Variants in ULK4 observed in about 807,000 individuals in gnomAD.
ULK4 encodes inactive serine/threonine-protein kinase ULK4.
ULK4 carries 133 observed loss-of-function variants against 160.6 expected under a neutral mutation model. That is an observed-to-expected ratio of 0.83 (90% confidence interval 0.72 to 0.96). ULK4 has a LOEUF of 0.96. Among genes scored for constraint, ULK4 ranks in the 40% least tolerant of loss-of-function variants. ULK4 has a pLI of 0.00. For synonymous variants in ULK4, 534 were observed against 539.8 expected (o/e 0.99, Z 0.15); for missense variants, 1,580 against 1,499.5 (o/e 1.05, Z -0.89).
intron 21 of ULK4, among the ~76,000 whole-genome samples, chr3:41,773,701 C>T (rs954980192): frequency 5.3e-5 from 8 of 152,128 alleles, no homozygotes; most frequent in African/African-American, 1.9e-4. Context: ...TGACTTTCTT[C>T]ACAGAATTGG....
rs558042759 is a variant in ULK4 at position 41,262,503 on chromosome 3, A to G, written c.3679-12929T>C. ...GACTTTCTTCTTTCTCTTGACCTTT[A>G]TTTCCTCCTCCTGGGGTCTGTATGT... On this transcript the variant is annotated intron_variant, in intron 35 of 36. Transcript: ENST00000301831. Among the ~76,000 whole-genome samples, 4 of 152,080 alleles carry G rather than the reference A, an allele frequency of 2.6e-5. No homozygotes were observed. In the East Asian group the frequency reaches 7.7e-4, roughly 29 times the overall value.
chr3:41,790,105 T>C (rs549368137), intron 20 of ULK4, among the ~76,000 whole-genome samples: 1 of 152,328 alleles, frequency 6.6e-6, no homozygotes, highest in Non-Finnish European at 1.5e-5. Context: ...TAAGCCTATA[T>C]AGAAAAATGT....
intron 32 of ULK4, among the ~76,000 whole-genome samples, chr3:41,498,895 G>C (rs539003206): frequency 6.6e-6 from 1 of 152,156 alleles, no homozygotes; most frequent in African/African-American, 2.4e-5. Flanking sequence ...GTCTGGCCGA[G>C]AGTTTCTTCT....
At chr3:41,333,573 CCT>C (rs2080491453) in intron 35 of ULK4, among the ~76,000 whole-genome samples, 1 of 152,130 alleles carries the variant, frequency 6.6e-6, no homozygotes. Flanking sequence ...GCACATCTTA[CCT>C]AAGGGTAAGC....
intron 34 of ULK4, among the ~76,000 whole-genome samples, chr3:41,413,392 G>C (rs760275703): frequency 6.6e-6 from 1 of 152,144 alleles, no homozygotes; most frequent in South Asian, 2.1e-4. Flanking sequence ...TTTTACCTTG[G>C]ATTGGGGAAA....
chr3:41,775,707 C>T (rs2039586667), intron 21 of ULK4, among the ~76,000 whole-genome samples: 1 of 150,754 alleles, frequency 6.6e-6, no homozygotes, highest in South Asian at 2.1e-4. Context: ...CCGACAACTC[C>T]TCTTTTTTTA....
chr3:41,559,717 G>A lies in ULK4; in HGVS notation c.3226+6308C>T, dbSNP rs1196402898. On this transcript the variant is annotated intron_variant, in intron 32 of 36. Transcript: ENST00000301831. ...TCATATCCTTTGACCAGTTTTTGAT[G>A]GAGTTGTTTATTTTCTTGTAAATTT... Among the ~76,000 whole-genome samples the A allele has an allele frequency of 3.9e-5, 6 of 152,188 alleles. No individual in the cohort carries two copies. In the East Asian group the frequency reaches 1.2e-3, roughly 29 times the overall value.
intron 9 of ULK4, among the ~76,000 whole-genome samples, chr3:41,912,056 G>A (rs1340807998): frequency 6.6e-6 from 1 of 151,886 alleles, no homozygotes; most frequent in African/African-American, 2.4e-5. Context: ...GACCAGGCAT[G>A]GTGGCTCACG....
intron 34 of ULK4, among the ~76,000 whole-genome samples, chr3:41,405,635 G>GT (rs368587235): frequency 2.8e-4 from 42 of 152,224 alleles, no homozygotes; most frequent in Middle Eastern, 3.4e-3. Context: ...ACCAGCGTCT[G>GT]TTTTTTGACA....
At chr3:41,831,531 A>ATATATATATATATATATATTTT in intron 18 of ULK4, among the ~76,000 whole-genome samples, 5 of 138,056 alleles carry the variant, frequency 3.6e-5, no homozygotes, top group East Asian at 2.1e-4. Context: ...ATATATATAT[A>ATATATATATATATATATATTTT]TTTTTTTTTC....
chr3:41,791,183 A>G (rs1178796620), intron 20 of ULK4, among the ~76,000 whole-genome samples: 2 of 152,204 alleles, frequency 1.3e-5, no homozygotes, highest in African/African-American at 4.8e-5. Flanking sequence ...TTCAGTAGAG[A>G]CGGGGTTTCA....
intron 27 of ULK4, among the ~76,000 whole-genome samples, chr3:41,696,131 G>A (rs1559491414): frequency 6.6e-6 from 1 of 152,154 alleles, no homozygotes; most frequent in Admixed American, 6.6e-5. Flanking sequence ...GGGGAGTTTA[G>A]AAAAGACTCT....
intron 32 of ULK4, among the ~76,000 whole-genome samples, chr3:41,477,433 T>G (rs1387651584): frequency 1.3e-5 from 2 of 152,210 alleles, no homozygotes; most frequent in African/African-American, 2.4e-5. Flanking sequence ...AAAGGTAACC[T>G]TCCTGCATAG....
intron 35 of ULK4, among the ~76,000 whole-genome samples, chr3:41,292,392 C>G (rs1208110610): frequency 6.6e-6 from 1 of 152,190 alleles, no homozygotes; most frequent in African/African-American, 2.4e-5. Flanking sequence ...AGTACCTCAG[C>G]TTGTAACCAG....
chr3:41,324,611 C>G (rs10212492), intron 35 of ULK4, among the ~76,000 whole-genome samples: 38,792 of 151,918 alleles, frequency 0.26, 5,258 homozygotes, highest in African/African-American at 0.34. Context: ...GGCTTGCTCA[C>G]CTATTCAGAA....
At chr3:41,456,216 G>A (rs2083549696) in intron 33 of ULK4, among the ~76,000 whole-genome samples, 1 of 152,100 alleles carries the variant, frequency 6.6e-6, no homozygotes, top group Non-Finnish European at 1.5e-5. Context: ...AGCCAAAAGT[G>A]CTTTATCTTA....
At chr3:41,769,530 G>A (rs1478962200) in intron 21 of ULK4, among the ~76,000 whole-genome samples, 3 of 152,172 alleles carry the variant, frequency 2.0e-5, no homozygotes. Flanking sequence ...CAGAAAAAGA[G>A]CAGAAGCCAT....
chr3:41,918,753 T>C (rs1456072612), intron 6 of ULK4, among the ~76,000 whole-genome samples: 5 of 151,930 alleles, frequency 3.3e-5, no homozygotes, highest in Admixed American at 1.3e-4. Flanking sequence ...AGGCGCACGC[T>C]GCCACGCCCA....
At chr3:41,880,624 A>T (rs1264525743) in intron 17 of ULK4, among the ~76,000 whole-genome samples, 1 of 152,184 alleles carries the variant, frequency 6.6e-6, no homozygotes, top group Non-Finnish European at 1.5e-5. Flanking sequence ...GTTCTATGCC[A>T]TTAAAATGCT....
Sources: allele counts gnomAD v4.1 joint callset (sites outside exome capture counted in the v4.1 genomes callset), GRCh38; gene constraint gnomAD v4.1.1; transcripts MANE v1.5; gene names NCBI Gene and HGNC (gene_info 2026-07-23, HGNC 2026-07-21).